The following ATRNL1 variants were observed in gnomAD, a reference collection of about 807,000 sequenced individuals.
The protein encoded by ATRNL1 is attractin like 1.
A neutral mutation model predicts 182.7 loss-of-function variants in ATRNL1; 95 were observed. The ratio of observed to expected loss-of-function variants is 0.52; its 90% CI spans 0.44 to 0.62. ATRNL1 has a LOEUF of 0.62. ATRNL1 is among the 20% of genes least tolerant of loss of function. The pLI is 0.00. For synonymous variants in ATRNL1, 576 were observed against 568.3 expected (o/e 1.01, Z -0.19); for missense variants, 1,471 against 1,679.5 (o/e 0.88, Z 2.17).
At chr10:115,368,268 G>A (rs1857177459) in intron 19 of ATRNL1, among the ~76,000 whole-genome samples, 1 of 152,208 alleles carries the variant, frequency 6.6e-6, no homozygotes, top group South Asian at 2.1e-4. Context: ...GCAATATTCG[G>A]GTGGGAGTGA....
At chr10:115,230,121 A>T (rs1487490043) in intron 9 of ATRNL1, among the ~76,000 whole-genome samples, 2 of 152,074 alleles carry the variant, frequency 1.3e-5, no homozygotes, top group African/African-American at 4.8e-5. Context: ...ATTTTGCATA[A>T]ATTGTTTATC....
At chr10:115,407,576 T>A (rs1318811078) in intron 20 of ATRNL1, among the ~76,000 whole-genome samples, 1 of 152,234 alleles carries the variant, frequency 6.6e-6, no homozygotes, top group Non-Finnish European at 1.5e-5. Context: ...TTCTTTTTAA[T>A]GGCTGAATAA....
intron 26 of ATRNL1, among the ~76,000 whole-genome samples, chr10:115,611,320 T>C (rs190423448): frequency 8.5e-4 from 130 of 152,270 alleles, no homozygotes; most frequent in Non-Finnish European, 1.5e-3. Context: ...TGGAGAGCAA[T>C]TTTTATCTTA....
intron 26 of ATRNL1, among the ~76,000 whole-genome samples, chr10:115,650,176 C>T (rs113011848): frequency 5.2e-4 from 79 of 152,120 alleles, no homozygotes; most frequent in African/African-American, 1.8e-3. Flanking sequence ...TCCAAGCAAA[C>T]GTGATTTCAT....
chr10:115,437,806 C>T (rs1554965009), intron 21 of ATRNL1, among the ~76,000 whole-genome samples: 5 of 151,974 alleles, frequency 3.3e-5, no homozygotes, highest in African/African-American at 1.2e-4. Context: ...AGTGAAATAA[C>T]TTTATCGAAT....
intron 24 of ATRNL1, among the ~76,000 whole-genome samples, chr10:115,475,318 A>G (rs568281275): frequency 6.6e-6 from 1 of 151,656 alleles, no homozygotes; most frequent in African/African-American, 2.4e-5. Context: ...GCTATCATTT[A>G]TATGCATTAT....
At chr10:115,690,675 T>C (rs1555047851) in intron 26 of ATRNL1, among the ~76,000 whole-genome samples, 2 of 152,108 alleles carry the variant, frequency 1.3e-5, no homozygotes, top group Non-Finnish European at 2.9e-5. Context: ...TCATGGGATG[T>C]AGAGATATGG....
At chr10:115,690,683 T>C (rs142068243) in intron 26 of ATRNL1, among the ~76,000 whole-genome samples, 73 of 152,224 alleles carry the variant, frequency 4.8e-4, no homozygotes, top group African/African-American at 1.5e-3. Flanking sequence ...TGTAGAGATA[T>C]GGGGGCTATG....
chr10:115,257,584 A>G (rs573738208), intron 10 of ATRNL1, among the ~76,000 whole-genome samples: 1 of 151,318 alleles, frequency 6.6e-6, no homozygotes, highest in East Asian at 1.9e-4. Flanking sequence ...TTGTCTTTTA[A>G]TTGGGGCATT....
chr10:115,507,227 G>T, intron 24 of ATRNL1, among the ~76,000 whole-genome samples: 1 of 151,962 alleles, frequency 6.6e-6, no homozygotes, highest in East Asian at 1.9e-4. Flanking sequence ...GTGAGCAGAG[G>T]GGCGACTTTG....
At chr10:115,467,111 A>T in intron 22 of ATRNL1, 63 bp from the exon 23 acceptor site, 1 of 889,760 alleles carries the variant, frequency 1.1e-6, no homozygotes, top group South Asian at 1.4e-5. Flanking sequence ...AAATCAGTAG[A>T]CTAAATCATA....
intron 26 of ATRNL1, among the ~76,000 whole-genome samples, chr10:115,596,486 G>A (rs1856250529): frequency 6.6e-6 from 1 of 152,140 alleles, no homozygotes; most frequent in African/African-American, 2.4e-5. Context: ...TCAACTTATG[G>A]TAAACACAAT....
At chr10:115,415,645 AG>A (rs1249746237) in intron 20 of ATRNL1, among the ~76,000 whole-genome samples, 1 of 151,750 alleles carries the variant, frequency 6.6e-6, no homozygotes, top group Admixed American at 6.6e-5. Flanking sequence ...TATTATGTAA[AG>A]GTTTTATTAT....
chr10:115,817,999 A>G (rs768046325), intron 27 of ATRNL1, among the ~76,000 whole-genome samples: 2 of 151,828 alleles, frequency 1.3e-5, no homozygotes, highest in Non-Finnish European at 2.9e-5. Flanking sequence ...ACTATTTTAC[A>G]ACAAAATTCC....
chr10:115,321,062 G>C (rs1485247023), intron 18 of ATRNL1, among the ~76,000 whole-genome samples: 1 of 152,044 alleles, frequency 6.6e-6, no homozygotes, highest in Non-Finnish European at 1.5e-5. Context: ...CTTTGAGGCT[G>C]TTTACCCTTG....
At chr10:115,747,272 C>T (rs1948320006) in intron 27 of ATRNL1, among the ~76,000 whole-genome samples, 1 of 152,088 alleles carries the variant, frequency 6.6e-6, no homozygotes, top group Non-Finnish European at 1.5e-5. Flanking sequence ...GATCCTTTAT[C>T]TTACATATAC....
intron 13 of ATRNL1, among the ~76,000 whole-genome samples, chr10:115,279,254 A>G (rs1427798729): frequency 2.6e-5 from 4 of 151,930 alleles, no homozygotes; most frequent in Non-Finnish European, 5.9e-5. Flanking sequence ...GATATGGCAT[A>G]CTAAGGAGAC....
intron 26 of ATRNL1, among the ~76,000 whole-genome samples, chr10:115,694,172 G>GCGCA (rs1555049050): frequency 5.4e-5 from 8 of 146,824 alleles, no homozygotes; most frequent in East Asian, 2.0e-4. Context: ...CTACACAGAC[G>GCGCA]CACACACACA....
chr10:115,174,338 C>T (rs1226743645), intron 8 of ATRNL1, among the ~76,000 whole-genome samples: 1 of 151,684 alleles, frequency 6.6e-6, no homozygotes, highest in African/African-American at 2.4e-5. Flanking sequence ...TAAACTGTTA[C>T]CACATTTGTC....
Sources: gnomAD v4.1 joint callset for allele counts (sites outside exome capture counted in the v4.1 genomes callset) on GRCh38, gnomAD v4.1.1 for gene constraint, MANE v1.5 for transcripts, NCBI Gene and HGNC (gene_info 2026-07-23, HGNC 2026-07-21) for gene names.